The following LRRC56 variants were observed in gnomAD, a reference collection of about 807,000 sequenced individuals.
LRRC56 encodes the protein leucine rich repeat containing 56.
Under a neutral mutation model 47.8 loss-of-function variants are expected in LRRC56, and 41 were observed. The ratio of observed to expected loss-of-function variants is 0.86; its 90% CI spans 0.67 to 1.11. The LOEUF (loss-of-function observed/expected upper bound fraction) is 1.11. Ranked by LOEUF, LRRC56 falls within the 50% of genes most tolerant of loss-of-function variation. LRRC56 has a pLI of 0.00. For missense variants in LRRC56, 759 were observed against 704.2 expected, an observed-to-expected ratio of 1.08 and a Z score of -0.88; for synonymous variants, 387 against 311.2, an observed-to-expected ratio of 1.24 and a Z score of -2.56.
At chr11:544,851 G>C (rs539227105) in intron 6 of LRRC56, 71 bp downstream of exon 6, 13 of 1,428,618 alleles carry the variant, frequency 9.1e-6, no homozygotes, top group African/African-American at 4.2e-5. Context: ...CTGCAGGGAT[G>C]GGGGGAGAAC....
chr11:541,328 G>A lies in LRRC56; in HGVS notation c.178-209G>A, dbSNP rs572233201. On this transcript the variant is annotated intron_variant, in intron 4 of 13. Coordinates refer to ENST00000270115, the MANE Select transcript of LRRC56 (RefSeq NM_198075.4). The surrounding 1 kb of genome is among the most constrained non-coding windows in gnomAD (Gnocchi z 4.1). ...AGCCCCCAGGGCAGGTCCTTCTCCC[G>A]CAATGACCCCCCAGCCAAGTGCAGC... 5.9e-5 allele frequency among the ~76,000 whole-genome samples: 9 copies of A among 152,226 alleles called. No individual in the cohort carries two copies. In the East Asian group the frequency reaches 9.7e-4, roughly 16 times the overall value.
intron 2 of LRRC56, among the ~76,000 whole-genome samples, chr11:539,236 A>T (rs939759797): frequency 6.6e-5 from 10 of 151,764 alleles, no homozygotes; most frequent in Non-Finnish European, 1.2e-4. Context: ...GTCCGCCACC[A>T]CGCCTGGCTA....
At chr11:520,445 C>T in the LRRC56 span, among the ~76,000 whole-genome samples, 34 of 152,004 alleles carry the variant, frequency 2.2e-4, no homozygotes, top group East Asian at 3.9e-4. Flanking sequence ...CTCAGCCTCC[C>T]GAGTAGCTGG....
chr11:535,946 C>A (rs1267016142), upstream of LRRC56, among the ~76,000 whole-genome samples: 1 of 152,156 alleles, frequency 6.6e-6, no homozygotes, highest in Non-Finnish European at 1.5e-5. Flanking sequence ...CGGCGCCGCC[C>A]ACCGCGGAGG....
the LRRC56 span, among the ~76,000 whole-genome samples, chr11:527,681 G>C: frequency 6.9e-6 from 1 of 144,372 alleles, no homozygotes; most frequent in Non-Finnish European, 1.5e-5. Context: ...ACAGGCGCCC[G>C]CCACCACGCC....
chr11:525,170 G>A, the LRRC56 span, among the ~76,000 whole-genome samples: 22 of 151,282 alleles, frequency 1.5e-4, no homozygotes, highest in Admixed American at 9.2e-4. Flanking sequence ...TTGGGAGGCC[G>A]AGGCGGGCAG....
chr11:511,189 C>T, the LRRC56 span, among the ~76,000 whole-genome samples: 21 of 151,770 alleles, frequency 1.4e-4, no homozygotes, highest in African/African-American at 4.1e-4. Flanking sequence ...GGCGTGGTGG[C>T]GGGCGCCTGT....
At chr11:534,061 T>TGA (rs1189747324), upstream of LRRC56, 9 of 1,268,298 alleles carry the variant, frequency 7.1e-6, no homozygotes, top group Non-Finnish European at 1.0e-5. Context: ...CCTGGGGTGC[T>TGA]GAGACGAGGG....
At position 541,731 on chromosome 11, in the gene LRRC56, G is replaced by A. The variant is rs1435918493; in HGVS notation, c.265+107G>A. 2.2e-5 allele frequency: 15 copies of A among 683,184 alleles called. No homozygotes were observed. Among genetic ancestry groups the A allele is most frequent in the South Asian group, 4.5e-5 (2 of 44,758 alleles). The allele number at this position is 683,184 out of a possible 1,614,324, so 42.3% of individuals were successfully genotyped here. On this transcript the variant is annotated intron_variant, in intron 5 of 13. Transcript: ENST00000270115. This position sits in a 1 kb window ranked among gnomAD's most constrained non-coding sequence, Gnocchi z 4.1. ...CAAAGCTGTCCTCACCTCTCGGGCCGCGTATCGGCTTCCTTAGGGTTGGCC... is the reference window on the plus strand; with the variant it reads ...CAAAGCTGTCCTCACCTCTCGGGCCACGTATCGGCTTCCTTAGGGTTGGCC...
At chr11:526,389 G>A in the LRRC56 span, among the ~76,000 whole-genome samples, 1 of 152,138 alleles carries the variant, frequency 6.6e-6, no homozygotes, top group Non-Finnish European at 1.5e-5. Context: ...ACGGGCGACA[G>A]GACTCCGATG....
chr11:551,224 C>T lies in LRRC56; in HGVS notation c.718C>T (p.Pro240Ser), dbSNP rs1019233501. 27 of 1,547,216 alleles carry T rather than the reference C, an allele frequency of 1.7e-5. No individual in the cohort carries two copies. Among genetic ancestry groups the T allele is most frequent in the Non-Finnish European group, 2.3e-5 (26 of 1,145,064 alleles). The change falls in exon 9 of 14, where the codon CCG becomes TCG. Residue 240 changes from proline to serine, a missense_variant. Physicochemically the swap from Pro to Ser is moderately conservative, Grantham distance 74. Transcript: ENST00000270115. ...DEVPAAHTGP[P>S]APPRLSQDWL... is the part of the protein sequence containing the mutation. ...AGTGCCGGCCGCACACACAGGCCCA[C>T]CGGCCCCCCCGCGGCTGAGCCAGGA...
At chr11:534,439 T>G, upstream of LRRC56, 1 of 803,974 alleles carries the variant, frequency 1.2e-6, no homozygotes, top group Non-Finnish European at 2.0e-6. Context: ...GGGCAGCTGC[T>G]GGCAGGGCCA....
chr11:539,321 G>A (rs1205018063), intron 2 of LRRC56, among the ~76,000 whole-genome samples: 2 of 150,958 alleles, frequency 1.3e-5, no homozygotes, highest in Non-Finnish European at 1.5e-5. Flanking sequence ...TCCTGATCTT[G>A]TGATCTGCCC....
Position 550,012 on chromosome 11 carries a change from C to T in LRRC56, c.423+14C>T. The T allele has an allele frequency of 1.2e-6, 2 of 1,612,378 alleles. No homozygotes were observed. The highest frequency in any genetic ancestry group is 1.7e-6 in the Non-Finnish European group (2 of 1,179,408). On this transcript the variant is annotated intron_variant, in intron 7 of 13. Transcript: ENST00000270115. The stretch of plus-strand genomic sequence containing the variant: ...CCAGCACTTAAGGTGAGTCTGGGCA[C>T]CCTGGGCTGGGGAGGCCTGGGCTGG...
chr11:540,341 C>T (rs764947091), intron 3 of LRRC56, among the ~76,000 whole-genome samples: 191 of 152,322 alleles, frequency 1.3e-3, no homozygotes, highest in Non-Finnish European at 2.1e-3. Flanking sequence ...GCTCACAGCC[C>T]CTGTGGGCCT....
chr11:549,151 C>T (rs996389983), intron 6 of LRRC56, among the ~76,000 whole-genome samples: 1 of 152,120 alleles, frequency 6.6e-6, no homozygotes, highest in African/African-American at 2.4e-5. Flanking sequence ...CTACGGGTGC[C>T]GTGAACTGGA....
At chr11:513,041 T>G in the LRRC56 span, among the ~76,000 whole-genome samples, 1 of 152,228 alleles carries the variant, frequency 6.6e-6, no homozygotes, top group Non-Finnish European at 1.5e-5. Flanking sequence ...TAAATGTGGC[T>G]GCAGAACTGT....
rs538251110 is a variant in LRRC56 at position 543,223 on chromosome 11, G to T, written c.266-1497G>T. Among the ~76,000 whole-genome samples the T allele has an allele frequency of 3.9e-3, 542 of 138,758 alleles. 3 individuals carry two copies. The highest frequency in any genetic ancestry group is 0.014 in the African/African-American group (526 of 36,290). 91.0% of individuals were successfully genotyped at this position (138,758 alleles called of 152,430 possible). ...CCTGTTTTTTGTTTTTTTCATTGTT[G>T]TTTTTTTTAAGACAGAGTCTCTCTC... On this transcript the variant is annotated intron_variant, in intron 5 of 13. Coordinates refer to ENST00000270115, the MANE Select transcript of LRRC56 (RefSeq NM_198075.4).
intron 8 of LRRC56, among the ~76,000 whole-genome samples, chr11:550,648 A>G (rs1294660839): frequency 6.6e-6 from 1 of 152,040 alleles, no homozygotes; most frequent in Non-Finnish European, 1.5e-5. Context: ...AGACCACCCT[A>G]TGCAGTATCT....
Sources: allele counts gnomAD v4.1 joint callset (sites outside exome capture counted in the v4.1 genomes callset), GRCh38; gene constraint gnomAD v4.1.1; non-coding constraint Gnocchi (gnomAD v3.1); transcripts MANE v1.5; gene names NCBI Gene and HGNC (gene_info 2026-07-23, HGNC 2026-07-21).